Variants in AGPAT2 observed in about 807,000 individuals in gnomAD.
AGPAT2 encodes the protein 1-acyl-sn-glycerol-3-phosphate acyltransferase beta.
In AGPAT2, 18 loss-of-function variants were observed where a neutral mutation model predicts 26.1. The ratio of observed to expected loss-of-function variants is 0.69; its 90% confidence interval spans 0.48 to 1.02. The LOEUF is 1.02. Among genes scored for constraint, AGPAT2 ranks in the 50% least tolerant of loss-of-function variants. The probability of loss-of-function intolerance (pLI) is 0.00; values close to 1 mark genes in which losing one functional copy is unlikely to be tolerated. For synonymous variants in AGPAT2, 200 were observed against 174.2 expected (o/e 1.15, Z -1.16); for missense variants, 415 against 394.9 (o/e 1.05, Z -0.43).
intron 1 of AGPAT2, among the ~76,000 whole-genome samples, chr9:136,684,076 G>A (rs995877540): frequency 1.3e-5 from 2 of 152,218 alleles, no homozygotes; most frequent in Non-Finnish European, 2.9e-5. Context: ...TTCAATTCGG[G>A]GAGCATCCTT....
chr9:136,673,525 T>C lies in AGPAT2; in HGVS notation c.*227A>G. ...CTCCCAGAGGTGCCGTGGGCGCGAG[T>C]CCCTGCCCTCGAGCCCGGGGAGGGT... On this transcript the variant is annotated 3_prime_UTR_variant, in exon 6 of 6. Transcript: ENST00000371696. 2.4e-6 allele frequency: 1 copy of C among 424,084 alleles called. No homozygotes were observed. The highest frequency in any genetic ancestry group is 3.6e-5 in the East Asian group (1 of 27,652). 26.3% of individuals were successfully genotyped at this position (424,084 alleles called of 1,614,324 possible).
In AGPAT2 at chr9:136,674,712, C is replaced by T. The variant is rs200632711; in HGVS notation, c.661+23G>A. 1.1e-4 allele frequency: 156 copies of T among 1,427,664 alleles called. No homozygotes were observed. In the East Asian group the frequency reaches 2.7e-3, roughly 25 times the overall value. The allele number at this position is 1,427,664 out of a possible 1,614,324, so 88.4% of individuals were successfully genotyped here. A position where few individuals can be genotyped will look rare whatever the true frequency, so the allele number is the denominator to read the frequency against. On this transcript the variant is annotated intron_variant, in intron 5 of 5. Coordinates refer to ENST00000371696, the MANE Select transcript of AGPAT2 (RefSeq NM_006412.4). ...GTAGGGTCAGGCGGGGCCTACACCC[C>T]GGGTGCACACATGTGGGGGTACCTG...
At chr9:136,678,965 G>T (rs1337343364) in intron 1 of AGPAT2, among the ~76,000 whole-genome samples, 3 of 152,168 alleles carry the variant, frequency 2.0e-5, no homozygotes, top group Non-Finnish European at 2.9e-5. Context: ...CTCTGGCCAG[G>T]CTGGTCTCGA....
Position 136,687,252 on chromosome 9 carries a change from G to A in AGPAT2, c.106C>T (p.Leu36=). ...GCCACGGCGGACACCGTGAAGCACA[G>A]CGCGCAGTACAGGGCGACCTTGGCG... ...FYAKVALYCA[L]CFTVSAVASL... The change falls in exon 1 of 6, where the codon CTG becomes TTG. Residue 36 remains leucine (L), a synonymous_variant. Transcript: ENST00000371696. The A allele has an allele frequency of 6.3e-7, 1 of 1,595,576 alleles. No individual in the cohort carries two copies. Among genetic ancestry groups the A allele is most frequent in the Non-Finnish European group, 8.5e-7 (1 of 1,174,662 alleles).
intron 1 of AGPAT2, among the ~76,000 whole-genome samples, chr9:136,681,687 A>G (rs1052175912): frequency 1.3e-5 from 2 of 152,190 alleles, no homozygotes; most frequent in Admixed American, 1.3e-4. Flanking sequence ...CTGTAATCCC[A>G]GCTACTCGGG....
At chr9:136,685,775 A>AG (rs200649129) in intron 1 of AGPAT2, among the ~76,000 whole-genome samples, 3,304 of 152,144 alleles carry the variant, frequency 0.022, 120 homozygotes, top group African/African-American at 0.074. Context: ...CCAGGGGCTG[A>AG]GGGGGGCCCC....
At chr9:136,681,430 C>A (rs543069274) in intron 1 of AGPAT2, among the ~76,000 whole-genome samples, 2 of 152,236 alleles carry the variant, frequency 1.3e-5, no homozygotes, top group African/African-American at 4.8e-5. Flanking sequence ...CCACGTGAGG[C>A]CACCGCACTT....
At chr9:136,680,941 A>G (rs1846151743) in intron 1 of AGPAT2, among the ~76,000 whole-genome samples, 1 of 152,142 alleles carries the variant, frequency 6.6e-6, no homozygotes, top group South Asian at 2.1e-4. Context: ...CTGGGATGAC[A>G]GGAAGGAGCC....
At chr9:136,682,957 T>C (rs769192489) in intron 1 of AGPAT2, among the ~76,000 whole-genome samples, 2 of 151,750 alleles carry the variant, frequency 1.3e-5, no homozygotes, top group Non-Finnish European at 2.9e-5. Context: ...TCCCAGGCTC[T>C]TGTGGAAGGG....
chr9:136,684,043 C>T (rs1162985098), intron 1 of AGPAT2, among the ~76,000 whole-genome samples: 1 of 152,220 alleles, frequency 6.6e-6, no homozygotes, highest in Non-Finnish European at 1.5e-5. Context: ...GTCCCGGCCT[C>T]CAGATACCAG....
At chr9:136,684,761 G>A (rs1471829785) in intron 1 of AGPAT2, among the ~76,000 whole-genome samples, 3 of 152,204 alleles carry the variant, frequency 2.0e-5, no homozygotes, top group Non-Finnish European at 2.9e-5. Context: ...TGGGGACCCT[G>A]CCCCAGTTTC....
intron 1 of AGPAT2, among the ~76,000 whole-genome samples, chr9:136,683,024 A>T (rs1233817868): frequency 7.8e-6 from 1 of 128,314 alleles, no homozygotes; most frequent in East Asian, 2.7e-4. Flanking sequence ...GGGCCAGGGC[A>T]GGACCTCCAC....
chr9:136,676,150 C>CA (rs1314474828), intron 4 of AGPAT2, among the ~76,000 whole-genome samples: 1 of 152,190 alleles, frequency 6.6e-6, no homozygotes, highest in Non-Finnish European at 1.5e-5. Flanking sequence ...GAGCTCCACC[C>CA]ACCCTGAGCT....
chr9:136,674,602 C>T lies in AGPAT2; in HGVS notation c.661+133G>A. On this transcript the variant is annotated intron_variant, in intron 5 of 5. Transcript: ENST00000371696. ...ACAGCTGGGACTCCAGCCTGAGTCA[C>T]TCATTCGCCACATGGTCACCGTGTG... 1.0e-5 allele frequency: 6 copies of T among 573,784 alleles called. No homozygotes were observed. In the South Asian group the frequency reaches 2.6e-4, roughly 24 times the overall value. The allele number at this position is 573,784 out of a possible 1,614,324, so 35.5% of individuals were successfully genotyped here.
chr9:136,687,312 G>A lies in AGPAT2; in HGVS notation c.46C>T (p.Leu16=). ...GCCGCGCGGCTCAGCTGCACCAGCA[G>A]CAGCAGCAACAGCAGCGCCGCGGCC... ...CLAAALLLLL[L]LVQLSRAAEF... The change falls in exon 1 of 6, where the codon CTG becomes TTG. Residue 16 remains leucine, a synonymous_variant. Coordinates refer to ENST00000371696, the MANE Select transcript of AGPAT2 (RefSeq NM_006412.4). The A allele has an allele frequency of 6.3e-6, 10 of 1,576,364 alleles. No individual in the cohort carries two copies. The highest frequency in any genetic ancestry group is 8.6e-6 in the Non-Finnish European group (10 of 1,166,948).
chr9:136,674,621 C>T, intron 5 of AGPAT2, 114 bp downstream of exon 5: 1 of 733,710 alleles, frequency 1.4e-6, no homozygotes, highest in Non-Finnish European at 2.0e-6. Context: ...CACATGGTCA[C>T]CGTGTGGCCA....
chr9:136,681,591 CAGG>C (rs2119194651), intron 1 of AGPAT2, among the ~76,000 whole-genome samples: 1 of 152,324 alleles, frequency 6.6e-6, no homozygotes, highest in South Asian at 2.1e-4. Flanking sequence ...CACCTGAGGT[CAGG>C]AGTTCAAGAC....
chr9:136,681,930 T>G (rs957105918), intron 1 of AGPAT2, among the ~76,000 whole-genome samples: 1 of 152,058 alleles, frequency 6.6e-6, no homozygotes, highest in African/African-American at 2.4e-5. Context: ...AGAGGCCCCC[T>G]GCACCTCCTG....
intron 1 of AGPAT2, among the ~76,000 whole-genome samples, chr9:136,682,794 C>G (rs1846177821): frequency 6.6e-6 from 1 of 152,106 alleles, no homozygotes; most frequent in African/African-American, 2.4e-5. Flanking sequence ...GTAAGAGACC[C>G]CTCTGGGGTC....
Sources: gnomAD v4.1 joint callset for allele counts (sites outside exome capture counted in the v4.1 genomes callset) on GRCh38, gnomAD v4.1.1 for gene constraint, MANE v1.5 for transcripts, NCBI Gene and HGNC (gene_info 2026-07-23, HGNC 2026-07-21) for gene names.